TENM3: variants seen among roughly 807,000 people sequenced by gnomAD.
The protein encoded by TENM3 is teneurin transmembrane protein 3, also known as teneurin-3.
Under a neutral mutation model 255.1 loss-of-function variants are expected in TENM3, and 63 were observed. The ratio of observed to expected loss-of-function variants is 0.25; its 90% confidence interval spans 0.20 to 0.30. TENM3 has a LOEUF of 0.30. Among genes scored for constraint, TENM3 ranks in the 10% least tolerant of loss-of-function variants. The probability of loss-of-function intolerance (pLI) is 1.00; values close to 1 mark genes in which losing one functional copy is unlikely to be tolerated. For synonymous variants in TENM3, 1,306 were observed against 1,322.3 expected, an observed-to-expected ratio of 0.99 and a Z score of 0.27; for missense variants, 2,929 against 3,461.1, an observed-to-expected ratio of 0.85 and a Z score of 3.86.
rs74456467 is a variant in TENM3, at chr4:182,172,987, A to G, written c.-76+28233A>G. 3.9e-3 allele frequency among the ~76,000 whole-genome samples: 600 copies of G among 152,330 alleles called. 5 individuals carry two copies. Among genetic ancestry groups the G allele is most frequent in the African/African-American group, 0.013 (545 of 41,586 alleles). On this transcript the variant is annotated intron_variant, in intron 1 of 2. Transcript: ENST00000512480. The stretch of plus-strand genomic sequence containing the variant: ...GCAGTTGACTTGACTTTGTGACCAC[A>G]TGAATATGGCTACGTGAATGGACAG...
the TENM3 span, among the ~76,000 whole-genome samples, chr4:181,706,892 T>G: frequency 6.6e-6 from 1 of 152,192 alleles, no homozygotes; most frequent in East Asian, 1.9e-4. Context: ...GGCAATTACA[T>G]CTGGTTACTG....
chr4:182,561,155 C>CA (rs1743128801), intron 3 of TENM3, among the ~76,000 whole-genome samples: 1 of 151,624 alleles, frequency 6.6e-6, no homozygotes, highest in Non-Finnish European at 1.5e-5. Flanking sequence ...GAAAAAAAGA[C>CA]AAACTAAGAC....
chr4:182,448,800 G>GGGCGAGGGGGTGA (rs60353198), intron 3 of TENM3, among the ~76,000 whole-genome samples: 1,520 of 151,756 alleles, frequency 0.01, 21 homozygotes, highest in African/African-American at 0.027. Flanking sequence ...GTGTGGAGCG[G>GGGCGAGGGGGTGA]GGCGAGGGGG....
intron 1 of TENM3, among the ~76,000 whole-genome samples, chr4:182,171,602 G>A (rs1752111036): frequency 1.3e-5 from 2 of 152,086 alleles, no homozygotes; most frequent in South Asian, 2.1e-4. Flanking sequence ...CTCTTGGGTA[G>A]TTATTTTTAA....
chr4:181,702,369 C>T, the TENM3 span, among the ~76,000 whole-genome samples: 1 of 152,080 alleles, frequency 6.6e-6, no homozygotes, highest in Non-Finnish European at 1.5e-5. Flanking sequence ...AGAGGATTTC[C>T]AAAGACAAAA....
At chr4:182,444,066 C>G (rs987872977) in intron 3 of TENM3, among the ~76,000 whole-genome samples, 4 of 152,142 alleles carry the variant, frequency 2.6e-5, no homozygotes, top group African/African-American at 9.7e-5. Flanking sequence ...GAAAGAATCA[C>G]CTAGCTATTA....
At chr4:182,615,393 G>A (rs370571741) in intron 4 of TENM3, among the ~76,000 whole-genome samples, 30 of 152,162 alleles carry the variant, frequency 2.0e-4, no homozygotes, top group African/African-American at 7.2e-4. Context: ...AAATGCCCAA[G>A]GTAAAGTATC....
intron 1 of TENM3, among the ~76,000 whole-genome samples, chr4:182,243,946 C>CTTTTTTTTTTTTTTTTTT (rs967487689): frequency 5.5e-5 from 4 of 72,910 alleles, no homozygotes; most frequent in Non-Finnish European, 7.5e-5. Context: ...TTTGTGTTTT[C>CTTTTTTTTTTTTTTTTTT]TTTTTTTTTT....
At chr4:181,551,860 G>A in the TENM3 span, among the ~76,000 whole-genome samples, 9 of 66,860 alleles carry the variant, frequency 1.3e-4, no homozygotes, top group Non-Finnish European at 3.6e-4. Context: ...GTGTGTGTGT[G>A]TGTGTGTGTG....
At chr4:181,851,794 TTCA>T in the TENM3 span, among the ~76,000 whole-genome samples, 1 of 152,172 alleles carries the variant, frequency 6.6e-6, no homozygotes, top group Non-Finnish European at 1.5e-5. Flanking sequence ...TGGTAGCCTT[TTCA>T]TCATCCTCTG....
chr4:181,807,932 G>A, the TENM3 span, among the ~76,000 whole-genome samples: 2 of 152,190 alleles, frequency 1.3e-5, no homozygotes, highest in East Asian at 1.9e-4. Context: ...CATGAGACAA[G>A]GATGTATTTG....
chr4:181,607,828 T>A, the TENM3 span, among the ~76,000 whole-genome samples: 1 of 152,208 alleles, frequency 6.6e-6, no homozygotes, highest in Non-Finnish European at 1.5e-5. Context: ...GCCAAATCAA[T>A]TTATTATAAT....
At chr4:181,803,641 T>C in the TENM3 span, among the ~76,000 whole-genome samples, 1 of 152,120 alleles carries the variant, frequency 6.6e-6, no homozygotes, top group Admixed American at 6.5e-5. Context: ...GTAGTGAGCA[T>C]GGAGGTCAGA....
the TENM3 span, among the ~76,000 whole-genome samples, chr4:181,956,216 C>G: frequency 6.6e-6 from 1 of 152,138 alleles, no homozygotes; most frequent in Non-Finnish European, 1.5e-5. Context: ...ATCTAATCAC[C>G]TCCCATAGGC....
chr4:181,920,575 G>A, the TENM3 span, among the ~76,000 whole-genome samples: 2,072 of 152,156 alleles, frequency 0.014, 50 homozygotes, highest in African/African-American at 0.047. Context: ...ACTTTTAATG[G>A]GGTTGTTTGT....
At chr4:181,455,972 C>T in the TENM3 span, among the ~76,000 whole-genome samples, 1 of 151,946 alleles carries the variant, frequency 6.6e-6, no homozygotes. Flanking sequence ...GAGAATGTCT[C>T]TTAACCAAAG....
At chr4:181,551,175 A>C in the TENM3 span, among the ~76,000 whole-genome samples, 2 of 152,176 alleles carry the variant, frequency 1.3e-5, no homozygotes, top group Admixed American at 6.5e-5. Context: ...TCTTAAAGTG[A>C]ATGTGGAGTT....
intron 3 of TENM3, among the ~76,000 whole-genome samples, chr4:182,520,087 T>A (rs1456076410): frequency 1.3e-5 from 2 of 152,150 alleles, no homozygotes; most frequent in Admixed American, 1.3e-4. Context: ...AAATAATTGC[T>A]TTAGAGATAA....
At chr4:181,822,356 A>G in the TENM3 span, among the ~76,000 whole-genome samples, 2 of 152,228 alleles carry the variant, frequency 1.3e-5, no homozygotes, top group Non-Finnish European at 2.9e-5. Context: ...GAGACTGCAT[A>G]ATTGATTGGA....
Sources: gnomAD v4.1 joint callset for allele counts (sites outside exome capture counted in the v4.1 genomes callset) on GRCh38, gnomAD v4.1.1 for gene constraint, MANE v1.5 for transcripts, NCBI Gene and HGNC (gene_info 2026-07-23, HGNC 2026-07-21) for gene names.